Variants in CAMTA1 observed in about 807,000 individuals in gnomAD.
CAMTA1 encodes the protein calmodulin binding transcription activator 1.
A neutral mutation model predicts 170.9 loss-of-function variants in CAMTA1; 27 were observed. The observed-to-expected ratio is 0.16, with a 90% confidence interval of 0.12 to 0.22. The LOEUF (loss-of-function observed/expected upper bound fraction) is 0.22. Among genes scored for constraint, CAMTA1 ranks in the 10% least tolerant of loss-of-function variants. The pLI is 1.00. For missense variants in CAMTA1, 1,619 were observed against 2,217.2 expected, an observed-to-expected ratio of 0.73 and a Z score of 5.42; for synonymous variants, 833 against 891.5, an observed-to-expected ratio of 0.93 and a Z score of 1.17.
In CAMTA1 at chr1:7,178,988, G is replaced by A. The variant is rs575855852; in HGVS notation, c.303-70503G>A. ...GCTGTGTGAACCAGGGAACAGCCCA[G>A]GATTCATGTATACTTATTGGCACAA... On this transcript the variant is annotated intron_variant, in intron 4 of 22. Transcript: ENST00000303635. Among the ~76,000 whole-genome samples, 3 of 152,336 alleles carry A rather than the reference G, an allele frequency of 2.0e-5. No homozygotes were observed. In the East Asian group the frequency reaches 5.8e-4, roughly 29 times the overall value.
At chr1:7,622,955 G>A (rs944787138) in intron 6 of CAMTA1, among the ~76,000 whole-genome samples, 2 of 152,140 alleles carry the variant, frequency 1.3e-5, no homozygotes, top group Admixed American at 6.5e-5. Flanking sequence ...TGAGGTCTTC[G>A]TCCCTATTCC....
At chr1:7,246,924 T>C (rs1409751129) in intron 4 of CAMTA1, among the ~76,000 whole-genome samples, 4 of 152,160 alleles carry the variant, frequency 2.6e-5, no homozygotes, top group African/African-American at 9.7e-5. Context: ...TGCCTCGGCC[T>C]CCCAAAGTAC....
At chr1:7,353,708 G>A (rs945910112) in intron 5 of CAMTA1, among the ~76,000 whole-genome samples, 8 of 152,136 alleles carry the variant, frequency 5.3e-5, no homozygotes, top group African/African-American at 1.9e-4. Flanking sequence ...ACAGGTGTGA[G>A]CCACCGTGCT....
chr1:7,702,718 GA>G (rs1429858383), intron 11 of CAMTA1, among the ~76,000 whole-genome samples: 1 of 152,156 alleles, frequency 6.6e-6, no homozygotes, highest in African/African-American at 2.4e-5. Context: ...TGGACATATG[GA>G]AAAGTGCACA....
rs1036360838 is a variant in CAMTA1 at position 7,511,181 on chromosome 1, A to T, written c.510+43280A>T. On this transcript the variant is annotated intron_variant, in intron 6 of 22. Transcript: ENST00000303635. ...TCCCAATTAGCAGGGCACCTTGCAT[A>T]GTAGGTTTATCAACTTTCAGTTAAG... 2.1e-5 allele frequency among the ~76,000 whole-genome samples: 3 copies of T among 145,288 alleles called. No individual in the cohort carries two copies. In the Admixed American group the frequency reaches 2.1e-4, roughly 10 times the overall value.
intron 4 of CAMTA1, among the ~76,000 whole-genome samples, chr1:7,147,301 A>G (rs1646258047): frequency 6.6e-6 from 1 of 151,756 alleles, no homozygotes; most frequent in Admixed American, 6.6e-5. Flanking sequence ...GTGAGCACCT[A>G]TAGTCCCAGC....
chr1:6,931,300 T>C (rs1684368529), intron 3 of CAMTA1, among the ~76,000 whole-genome samples: 1 of 152,158 alleles, frequency 6.6e-6, no homozygotes, highest in Non-Finnish European at 1.5e-5. Context: ...AGAGGTAATA[T>C]GTGTTCGGCG....
intron 1 of CAMTA1, among the ~76,000 whole-genome samples, chr1:6,816,398 G>A (rs1027000656): frequency 5.9e-5 from 9 of 152,098 alleles, no homozygotes; most frequent in Non-Finnish European, 8.8e-5. Flanking sequence ...CCCAGCTTGC[G>A]AACAGTGTCT....
chr1:7,652,846 C>T (rs2095856567), intron 7 of CAMTA1, among the ~76,000 whole-genome samples: 5 of 152,108 alleles, frequency 3.3e-5, no homozygotes, highest in Admixed American at 3.3e-4. Context: ...GGCAGGTCGC[C>T]CAGTGGAAAG....
intron 5 of CAMTA1, among the ~76,000 whole-genome samples, chr1:7,444,492 G>T (rs190892529): frequency 6.6e-6 from 1 of 152,344 alleles, no homozygotes; most frequent in Admixed American, 6.5e-5. Flanking sequence ...TCTGTTTGCT[G>T]CTTCCCTCCT....
intron 5 of CAMTA1, among the ~76,000 whole-genome samples, chr1:7,420,490 C>T (rs2091490128): frequency 6.6e-6 from 1 of 152,110 alleles, no homozygotes; most frequent in Non-Finnish European, 1.5e-5. Flanking sequence ...CCTGGTGGCA[C>T]TCAGGAAATC....
At position 6,877,651 on chromosome 1, in the gene CAMTA1, C is replaced by G. The variant is rs557994740; in HGVS notation, c.234+52441C>G. 1.3e-3 allele frequency among the ~76,000 whole-genome samples: 200 copies of G among 152,312 alleles called. 1 individual carries two copies. Among genetic ancestry groups the G allele is most frequent in the African/African-American group, 4.6e-3 (193 of 41,570 alleles). ...ATTTTCCACTTTCCGCACACATCTT[C>G]AGGTGGGGTCGCAAATACTCCATAT... On this transcript the variant is annotated intron_variant, in intron 3 of 22. Transcript: ENST00000303635.
At chr1:7,466,347 T>C (rs1202011003) in intron 5 of CAMTA1, among the ~76,000 whole-genome samples, 2 of 152,266 alleles carry the variant, frequency 1.3e-5, no homozygotes, top group African/African-American at 4.8e-5. Flanking sequence ...GTTTGGTTTA[T>C]ACAGGGCTTA....
intron 3 of CAMTA1, among the ~76,000 whole-genome samples, chr1:7,030,291 C>T (rs901132217): frequency 2.6e-5 from 4 of 152,134 alleles, no homozygotes; most frequent in Admixed American, 2.6e-4. Flanking sequence ...TAATGTGGAT[C>T]TTGGAAAGAT....
At chr1:7,546,720 A>G (rs2094697972) in intron 6 of CAMTA1, among the ~76,000 whole-genome samples, 1 of 152,146 alleles carries the variant, frequency 6.6e-6, no homozygotes, top group African/African-American at 2.4e-5. Flanking sequence ...ATGGTATCTC[A>G]TTGTGGTTTT....
intron 5 of CAMTA1, among the ~76,000 whole-genome samples, chr1:7,276,926 AC>A (rs1285552353): frequency 2.0e-5 from 3 of 152,244 alleles, no homozygotes; most frequent in Non-Finnish European, 4.4e-5. Flanking sequence ...TTTGCAATGA[AC>A]AATTGGAAAA....
intron 4 of CAMTA1, among the ~76,000 whole-genome samples, chr1:7,169,613 G>A (rs991024392): frequency 6.6e-6 from 1 of 152,142 alleles, no homozygotes. Context: ...CCAAGTTCAA[G>A]TGAGTCTCCT....
chr1:7,231,006 G>T (rs1440143595), intron 4 of CAMTA1, among the ~76,000 whole-genome samples: 1 of 152,154 alleles, frequency 6.6e-6, no homozygotes, highest in African/African-American at 2.4e-5. Flanking sequence ...GCAAATAGGA[G>T]CCATGGCTGC....
At position 7,642,855 on chromosome 1, in the gene CAMTA1, G is replaced by A. The variant is rs1010659930; in HGVS notation, c.664+2302G>A. ...CACTTCCAGCCATCTCAGGGGGCCC[G>A]GCTCAGCTCCTCCACCCCTGCACAC... On this transcript the variant is annotated intron_variant, in intron 7 of 22. Coordinates refer to ENST00000303635, the MANE Select transcript of CAMTA1 (RefSeq NM_015215.4). This position sits in a 1 kb window ranked among gnomAD's most constrained non-coding sequence, Gnocchi z 6.3. Among the ~76,000 whole-genome samples, 5 of 152,118 alleles carry A rather than the reference G, an allele frequency of 3.3e-5. No homozygotes were observed. Among genetic ancestry groups the A allele is most frequent in the African/African-American group, 9.7e-5 (4 of 41,436 alleles).
Sources: allele counts gnomAD v4.1 joint callset (sites outside exome capture counted in the v4.1 genomes callset), GRCh38; gene constraint gnomAD v4.1.1; non-coding constraint Gnocchi (gnomAD v3.1); transcripts MANE v1.5; gene names NCBI Gene and HGNC (gene_info 2026-07-23, HGNC 2026-07-21).